The following MS4A5 variants were observed in gnomAD, a reference collection of about 807,000 sequenced individuals.
MS4A5 encodes membrane-spanning 4-domains subfamily A member 5.
MS4A5 carries 15 observed loss-of-function variants against 18.2 expected under a neutral mutation model. The ratio of observed to expected loss-of-function variants is 0.83; its 90% CI spans 0.55 to 1.27. MS4A5 has a LOEUF of 1.27. Ranked by LOEUF, MS4A5 falls within the 50% of genes most tolerant of loss-of-function variation. MS4A5 has a pLI of 0.00. For missense variants in MS4A5, 232 were observed against 225.7 expected (o/e 1.03, Z -0.18); for synonymous variants, 89 against 78.7 (o/e 1.13, Z -0.69).
chr11:60,436,084 G>A (rs1037465436), intron 4 of MS4A5, among the ~76,000 whole-genome samples: 5 of 152,056 alleles, frequency 3.3e-5, no homozygotes, highest in South Asian at 2.1e-4. Context: ...ATCTGAGAAC[G>A]GGCAGACTGC....
At chr11:60,430,952 G>A (rs2086045728) in intron 2 of MS4A5, 28 bp downstream of exon 2, 1 of 1,595,574 alleles carries the variant, frequency 6.3e-7, no homozygotes, top group Non-Finnish European at 8.5e-7. Flanking sequence ...AGTTCAATTT[G>A]AAGCCATGCC....
At chr11:60,443,520 G>A (rs1461872224) in intron 4 of MS4A5, among the ~76,000 whole-genome samples, 1 of 151,692 alleles carries the variant, frequency 6.6e-6, no homozygotes, top group African/African-American at 2.4e-5. Flanking sequence ...AAGGAAAATA[G>A]ACTAAAAAGT....
chr11:60,429,957 T>C, intron 1 of MS4A5, 130 bp downstream of exon 1: 1 of 864,512 alleles, frequency 1.2e-6, no homozygotes, highest in Non-Finnish European at 1.7e-6. Flanking sequence ...ATATAGAGTG[T>C]TGGTGGGCCA....
intron 4 of MS4A5, among the ~76,000 whole-genome samples, chr11:60,441,456 T>TAAAAAAAAAAAAAAA (rs201729443): frequency 9.4e-6 from 1 of 105,822 alleles, no homozygotes; most frequent in African/African-American, 3.6e-5. Context: ...AAAAGGCCAT[T>TAAAAAAAAAAAAAAA]AAAAAAAAAA....
chr11:60,431,589 G>T (rs1029025481), intron 2 of MS4A5, among the ~76,000 whole-genome samples: 1 of 152,146 alleles, frequency 6.6e-6, no homozygotes, highest in African/African-American at 2.4e-5. Flanking sequence ...AAACACAGGG[G>T]CTGCCTCCAT....
intron 4 of MS4A5, among the ~76,000 whole-genome samples, chr11:60,441,642 A>C (rs1475008775): frequency 2.0e-5 from 3 of 150,774 alleles, no homozygotes; most frequent in Non-Finnish European, 4.4e-5. Context: ...AAAAAGAAAG[A>C]AATGATAAAC....
Position 60,432,457 on chromosome 11 carries a change from C to A in MS4A5, c.329C>A (p.Thr110Lys). ...AFLIAVKRKT[T>K]ETLIILSRIM... ...CTAATTGCAGTGAAAAGAAAAACCA[C>A]AGAAACTCTGGTGAGTTATATTCTT... The change falls in exon 3 of 5, where the codon ACA (threonine) becomes AAA (lysine). Residue 110 changes from threonine (T) to lysine (K), a missense_variant. By Grantham distance (78) the Thr-to-Lys change is moderately conservative. Transcript: ENST00000300190. 2 of 1,585,628 alleles carry A rather than the reference C, an allele frequency of 1.3e-6. No homozygotes were observed. Among genetic ancestry groups the A allele is most frequent in the Non-Finnish European group, 1.7e-6 (2 of 1,157,026 alleles).
At chr11:60,440,117 C>T (rs71488468) in intron 4 of MS4A5, among the ~76,000 whole-genome samples, 5,373 of 81,874 alleles carry the variant, frequency 0.066, 49 homozygotes, top group Admixed American at 0.1. Flanking sequence ...TCAGAAATAA[C>T]GCCGCATATC....
chr11:60,446,753 A>G (rs2086140409), intron 4 of MS4A5, among the ~76,000 whole-genome samples: 1 of 151,684 alleles, frequency 6.6e-6, no homozygotes. Context: ...AAAAAGACAA[A>G]AAAGAAACCA....
At chr11:60,441,424 ATAAT>A (rs1384603349) in intron 4 of MS4A5, among the ~76,000 whole-genome samples, 1 of 26,840 alleles carries the variant, frequency 3.7e-5, no homozygotes, top group African/African-American at 9.9e-5. Flanking sequence ...AACTTAAAGT[ATAAT>A]AAAAAAAAAG....
intron 2 of MS4A5, among the ~76,000 whole-genome samples, chr11:60,431,817 A>T (rs1467085368): frequency 6.6e-6 from 1 of 152,186 alleles, no homozygotes; most frequent in Non-Finnish European, 1.5e-5. Flanking sequence ...TATGTGAACT[A>T]TAAGAGTTCA....
chr11:60,433,750 C>T lies in MS4A5; in HGVS notation c.340-15C>T. On this transcript the variant is annotated splice_polypyrimidine_tract_variant and intron_variant, in intron 3 of 4. Coordinates refer to ENST00000300190, the MANE Select transcript of MS4A5 (RefSeq NM_023945.3). ...TGGACCTCAGTCACATTGTTATGTTCTTATTCTATTTCAGATAATATTGAG... is the reference window on the plus strand; with the variant it reads ...TGGACCTCAGTCACATTGTTATGTTTTTATTCTATTTCAGATAATATTGAG... 6.2e-7 allele frequency: 1 copy of T among 1,612,088 alleles called. No homozygotes were observed. Among genetic ancestry groups the T allele is most frequent in the Non-Finnish European group, 8.5e-7 (1 of 1,178,294 alleles).
chr11:60,441,224 C>A (rs1360929928), intron 4 of MS4A5, among the ~76,000 whole-genome samples: 11 of 130,380 alleles, frequency 8.4e-5, no homozygotes, highest in Non-Finnish European at 1.3e-4. Context: ...GGGAATTGAA[C>A]AATGAGATCA....
chr11:60,441,782 A>G (rs2086114544), intron 4 of MS4A5, among the ~76,000 whole-genome samples: 1 of 152,148 alleles, frequency 6.6e-6, no homozygotes, highest in Non-Finnish European at 1.5e-5. Flanking sequence ...GTCCCAGTAA[A>G]TAAGAGTTTA....
intron 3 of MS4A5, among the ~76,000 whole-genome samples, chr11:60,433,415 TC>T (rs2086061849): frequency 6.6e-6 from 1 of 152,216 alleles, no homozygotes; most frequent in Non-Finnish European, 1.5e-5. Flanking sequence ...AGTGCAGCAT[TC>T]AGTTAAACTT....
At chr11:60,436,115 C>T (rs1236601202) in intron 4 of MS4A5, among the ~76,000 whole-genome samples, 1 of 152,030 alleles carries the variant, frequency 6.6e-6, no homozygotes, top group East Asian at 1.9e-4. Flanking sequence ...GGGTCCCTGA[C>T]CCCTGACCCC....
At chr11:60,437,841 A>G (rs2086089332) in intron 4 of MS4A5, among the ~76,000 whole-genome samples, 1 of 150,234 alleles carries the variant, frequency 6.7e-6, no homozygotes, top group Non-Finnish European at 1.5e-5. Flanking sequence ...TTAACACCCC[A>G]CTGTCAACAT....
intron 4 of MS4A5, among the ~76,000 whole-genome samples, chr11:60,437,105 G>A (rs1396249361): frequency 7.2e-6 from 1 of 138,310 alleles, no homozygotes; most frequent in African/African-American, 2.5e-5. Flanking sequence ...AGAAGAGAGT[G>A]GGGGCCAATA....
At chr11:60,432,906 C>T (rs904135415) in intron 3 of MS4A5, among the ~76,000 whole-genome samples, 49 of 151,916 alleles carry the variant, frequency 3.2e-4, no homozygotes, top group African/African-American at 1.1e-3. Flanking sequence ...ATTCCACAAA[C>T]TATCAAGTAT....
Sources: allele counts gnomAD v4.1 joint callset (sites outside exome capture counted in the v4.1 genomes callset), GRCh38; gene constraint gnomAD v4.1.1; transcripts MANE v1.5; gene names NCBI Gene and HGNC (gene_info 2026-07-23, HGNC 2026-07-21).